EHBP1: variants seen among roughly 807,000 people sequenced by gnomAD.
EHBP1 encodes EH domain binding protein 1, also known as EH domain-binding protein 1.
A neutral mutation model predicts 144.0 loss-of-function variants in EHBP1; 55 were observed. The observed-to-expected ratio is 0.38, with a 90% CI of 0.31 to 0.48. The LOEUF (loss-of-function observed/expected upper bound fraction) is 0.48. Among genes scored for constraint, EHBP1 ranks in the 20% least tolerant of loss-of-function variants. The pLI, the probability that EHBP1 is intolerant of heterozygous loss-of-function variation, is 0.98. For synonymous variants in EHBP1, 469 were observed against 472.7 expected (o/e 0.99, Z 0.10); for missense variants, 1,200 against 1,364.2 (o/e 0.88, Z 1.90).
intron 7 of EHBP1, among the ~76,000 whole-genome samples, chr2:62,849,029 G>A (rs935492874): frequency 1.3e-5 from 2 of 152,154 alleles, no homozygotes; most frequent in African/African-American, 2.4e-5. Flanking sequence ...TCTCCTGACT[G>A]TGTCCTAATG....
At position 62,853,654 on chromosome 2, in the gene EHBP1, C is replaced by A. The variant is rs568737679; in HGVS notation, c.635-5515C>A. 3.3e-5 allele frequency among the ~76,000 whole-genome samples: 5 copies of A among 152,212 alleles called. No individual in the cohort carries two copies. In the South Asian group the frequency reaches 1.0e-3, roughly 32 times the overall value. On this transcript the variant is annotated intron_variant, in intron 7 of 22. Transcript: ENST00000431489. The stretch of plus-strand genomic sequence containing the variant: ...TTCCAAGAGGTTTTCAATTGACTGC[C>A]CAGATCATTAGAGGAATCACTACCT...
chr2:62,832,686 A>G (rs1403558343), intron 7 of EHBP1, among the ~76,000 whole-genome samples: 1 of 152,090 alleles, frequency 6.6e-6, no homozygotes, highest in Non-Finnish European at 1.5e-5. Context: ...AGGTGCCATG[A>G]ATTGCACCCA....
rs771618170 is a variant in EHBP1 at position 62,979,328 on chromosome 2, A to T, written c.2601A>T (p.Ala867=). Residue 867 remains alanine, a synonymous_variant, in exon 15 of 23, where the codon GCA becomes GCT. Coordinates refer to ENST00000431489, the MANE Select transcript of EHBP1 (RefSeq NM_001142616.3). ...AAAAGTTGAAAGAAAGGTCAAAGGC[A>T]TCTGGAGGTGAGTTAAAGAATCTTC... ...AAEKLKERSK[A]SGEQNSKLVD... is the part of the protein sequence containing the mutation. The T allele has an allele frequency of 7.4e-6, 12 of 1,613,284 alleles. No individual in the cohort carries two copies. The highest frequency in any genetic ancestry group is 1.0e-5 in the Non-Finnish European group (12 of 1,179,574).
chr2:62,764,177 T>G (rs1261852242), intron 3 of EHBP1, 89 bp from the exon 4 acceptor site: 2 of 927,316 alleles, frequency 2.2e-6, no homozygotes, highest in East Asian at 5.7e-5. Flanking sequence ...TTCCTGTACT[T>G]CATATTGAAG....
At chr2:62,785,914 C>T (rs2042769825) in intron 5 of EHBP1, among the ~76,000 whole-genome samples, 2 of 152,056 alleles carry the variant, frequency 1.3e-5, no homozygotes, top group Admixed American at 1.3e-4. Flanking sequence ...TCATCCTTTC[C>T]TCATCCATCA....
chr2:62,968,918 C>T (rs2058367226), intron 14 of EHBP1, among the ~76,000 whole-genome samples: 2 of 152,160 alleles, frequency 1.3e-5, no homozygotes, highest in African/African-American at 4.8e-5. Flanking sequence ...AGCCAGAGAG[C>T]GTTCAGCTCC....
intron 5 of EHBP1, among the ~76,000 whole-genome samples, chr2:62,781,061 A>C (rs1162100322): frequency 6.6e-6 from 1 of 152,292 alleles, no homozygotes; most frequent in East Asian, 1.9e-4. Flanking sequence ...CTTGCTACAT[A>C]CTGAGAGTGT....
rs556802727 is a variant in EHBP1 at position 62,922,344 on chromosome 2, A to C, written c.1186-20374A>C. Among the ~76,000 whole-genome samples the C allele has an allele frequency of 2.0e-5, 3 of 152,294 alleles. No homozygotes were observed. In the South Asian group the frequency reaches 6.2e-4, roughly 32 times the overall value. ...TAGTGGACCCACACAGCTCAAACCC[A>C]TGTTGTTCAAGAGTCATCTGTACTT... is the stretch of plus-strand genomic sequence containing the variant. On this transcript the variant is annotated intron_variant, in intron 10 of 22. Transcript: ENST00000431489.
At chr2:62,722,576 A>AT (rs1232560853) in intron 2 of EHBP1, among the ~76,000 whole-genome samples, 4 of 152,186 alleles carry the variant, frequency 2.6e-5, no homozygotes, top group African/African-American at 7.2e-5. Flanking sequence ...CAAAAGAAGA[A>AT]TTTTTTCCTC....
chr2:62,689,506 T>C (rs773958592), intron 1 of EHBP1, among the ~76,000 whole-genome samples: 3 of 152,000 alleles, frequency 2.0e-5, no homozygotes, highest in Non-Finnish European at 4.4e-5. Flanking sequence ...AGCCGGGCAT[T>C]GGTGGCACAC....
intron 2 of EHBP1, among the ~76,000 whole-genome samples, chr2:62,716,855 TG>T (rs1191734384): frequency 6.6e-6 from 1 of 152,236 alleles, no homozygotes; most frequent in African/African-American, 2.4e-5. Flanking sequence ...CATTCCTGGC[TG>T]CCAACTCTGG....
At chr2:63,005,464 A>G (rs905502000) in intron 19 of EHBP1, among the ~76,000 whole-genome samples, 2 of 152,126 alleles carry the variant, frequency 1.3e-5, no homozygotes, top group African/African-American at 2.4e-5. Flanking sequence ...TCTCAGGGTC[A>G]GAATGCCAAA....
In EHBP1 at chr2:62,914,312, C is replaced by T. The variant is rs150602611; in HGVS notation, c.1186-28406C>T. 7.2e-4 allele frequency among the ~76,000 whole-genome samples: 110 copies of T among 152,080 alleles called. 1 individual carries two copies. The highest frequency in any genetic ancestry group is 2.3e-3 in the South Asian group (11 of 4,812). On this transcript the variant is annotated intron_variant, in intron 10 of 22. Coordinates refer to ENST00000431489, the MANE Select transcript of EHBP1 (RefSeq NM_001142616.3). ...TCTAGGGAAATCTTCAAACATCTTA[C>T]TCTATTTTGTTTATATGAATTTTGC...
At chr2:62,809,305 A>AAAC (rs2044772210) in intron 5 of EHBP1, among the ~76,000 whole-genome samples, 1 of 148,542 alleles carries the variant, frequency 6.7e-6, no homozygotes, top group Non-Finnish European at 1.5e-5. Flanking sequence ...AAAAAAAAAA[A>AAAC]AAAAAAAAAA....
At chr2:63,040,921 G>GA (rs900699151) in intron 21 of EHBP1, among the ~76,000 whole-genome samples, 4 of 152,102 alleles carry the variant, frequency 2.6e-5, no homozygotes, top group African/African-American at 4.8e-5. Context: ...ACACACCACA[G>GA]AAAAAAACAC....
chr2:62,856,914 G>A (rs2049108182), intron 7 of EHBP1, among the ~76,000 whole-genome samples: 2 of 152,144 alleles, frequency 1.3e-5, no homozygotes, highest in South Asian at 4.1e-4. Flanking sequence ...TTACCAGGGT[G>A]GTTAAATGGT....
At chr2:62,736,403 T>C (rs1332542058) in intron 2 of EHBP1, among the ~76,000 whole-genome samples, 11 of 152,044 alleles carry the variant, frequency 7.2e-5, no homozygotes, top group Admixed American at 6.5e-4. Flanking sequence ...TTTGTGTTTT[T>C]AGTAGAGATG....
intron 20 of EHBP1, among the ~76,000 whole-genome samples, chr2:63,037,841 T>C (rs577272840): frequency 2.8e-4 from 43 of 152,260 alleles, no homozygotes; most frequent in African/African-American, 9.9e-4. Context: ...AAAAAGTGTT[T>C]ATTATACAGA....
intron 2 of EHBP1, among the ~76,000 whole-genome samples, chr2:62,738,408 G>A (rs868177663): frequency 6.6e-6 from 1 of 151,822 alleles, no homozygotes; most frequent in Non-Finnish European, 1.5e-5. Flanking sequence ...TGTCCTTCCC[G>A]CACCTTCCCT....
Sources: gnomAD v4.1 joint callset for allele counts (sites outside exome capture counted in the v4.1 genomes callset) on GRCh38, gnomAD v4.1.1 for gene constraint, MANE v1.5 for transcripts, NCBI Gene and HGNC (gene_info 2026-07-23, HGNC 2026-07-21) for gene names.